ACTR3C: variants seen among roughly 807,000 people sequenced by gnomAD.
ACTR3C encodes the protein actin related protein 3C, also known as actin-related protein 3C.
In ACTR3C, 18 loss-of-function variants were observed where a neutral mutation model predicts 26.3. The ratio of observed to expected loss-of-function variants is 0.68; its 90% CI spans 0.47 to 1.01. The LOEUF (loss-of-function observed/expected upper bound fraction) is 1.01, where lower values mean the gene tolerates loss of function less well. Among genes scored for constraint, ACTR3C ranks in the 50% least tolerant of loss-of-function variants. ACTR3C has a pLI of 0.00. For synonymous variants in ACTR3C, 55 were observed against 94.5 expected, an observed-to-expected ratio of 0.58 and a Z score of 2.42; for missense variants, 184 against 250.7, an observed-to-expected ratio of 0.73 and a Z score of 1.80.
At chr7:150,184,747 G>A in the ACTR3C span, among the ~76,000 whole-genome samples, 1 of 149,374 alleles carries the variant, frequency 6.7e-6, no homozygotes, top group Non-Finnish European at 1.5e-5. Flanking sequence ...GGGCCCACAC[G>A]CTAAGGGGGT....
rs1311833270 is a variant in ACTR3C at position 150,272,807 on chromosome 7, CA to C, written c.564+11945del. Among the ~76,000 whole-genome samples the C allele has an allele frequency of 2.9e-5, 4 of 136,238 alleles. 1 individual carries two copies. The highest frequency in any genetic ancestry group is 6.9e-5 in the Admixed American group (1 of 14,478). The allele number at this position is 136,238 out of a possible 152,430, so 89.4% of individuals were successfully genotyped here. A position where few individuals can be genotyped will look rare whatever the true frequency, so the allele number is the denominator to read the frequency against. On this transcript the variant is annotated intron_variant, in intron 6 of 7. Transcript: ENST00000683684. ...CCAGGCTCAAGCAATCCTGCTGCCT[CA>C]GTCTCCCAAGTAGCTGAGACTACAG... is the stretch of plus-strand genomic sequence containing the variant.
the ACTR3C span, among the ~76,000 whole-genome samples, chr7:150,018,557 C>T: frequency 1.3e-5 from 2 of 149,968 alleles, no homozygotes; most frequent in Non-Finnish European, 2.9e-5. Context: ...CATGTTCTTT[C>T]GTGTGTCAAG....
chr7:150,214,080 A>G, the ACTR3C span, among the ~76,000 whole-genome samples: 6 of 151,628 alleles, frequency 4.0e-5, no homozygotes, highest in East Asian at 5.8e-4. Flanking sequence ...TTGCCATCCA[A>G]CTTAAGTGTT....
At chr7:150,277,337 G>A (rs1043201193) in intron 6 of ACTR3C, among the ~76,000 whole-genome samples, 4 of 152,104 alleles carry the variant, frequency 2.6e-5, no homozygotes, top group Non-Finnish European at 5.9e-5. Flanking sequence ...TGAGATACCC[G>A]CTATTGGTTC....
chr7:149,970,914 T>C, the ACTR3C span, among the ~76,000 whole-genome samples: 2 of 152,210 alleles, frequency 1.3e-5, no homozygotes, highest in African/African-American at 4.8e-5. Flanking sequence ...AATCAAGAAT[T>C]GAAGAGCCTG....
chr7:150,306,785 T>A (rs1795840319), intron 1 of ACTR3C, among the ~76,000 whole-genome samples: 1 of 152,182 alleles, frequency 6.6e-6, no homozygotes, highest in African/African-American at 2.4e-5. Flanking sequence ...TACATATGTG[T>A]GATGAGACAT....
chr7:150,180,283 C>A, the ACTR3C span, among the ~76,000 whole-genome samples: 3 of 149,132 alleles, frequency 2.0e-5, no homozygotes, highest in Admixed American at 1.3e-4. Flanking sequence ...CCAGCCCGGG[C>A]GACAGAGCGA....
At chr7:149,886,918 C>G in the ACTR3C span, among the ~76,000 whole-genome samples, 5 of 151,082 alleles carry the variant, frequency 3.3e-5, no homozygotes, top group African/African-American at 4.9e-5. Context: ...AGAGATTGTG[C>G]TCCTGCATTC....
the ACTR3C span, among the ~76,000 whole-genome samples, chr7:150,019,817 C>T: frequency 2.0e-5 from 3 of 151,686 alleles, 1 homozygote; most frequent in African/African-American, 7.3e-5. Flanking sequence ...TGTAGGTGCC[C>T]CACATCCCAG....
intron 4 of ACTR3C, among the ~76,000 whole-genome samples, chr7:150,287,553 A>G (rs190753076): frequency 6.6e-6 from 1 of 152,220 alleles, no homozygotes; most frequent in African/African-American, 2.4e-5. Context: ...TGCTGCCTAC[A>G]GGAAGCACGA....
the ACTR3C span, among the ~76,000 whole-genome samples, chr7:149,929,182 C>A: frequency 6.6e-6 from 1 of 152,100 alleles, no homozygotes; most frequent in Admixed American, 6.5e-5. Context: ...AATCACAGCA[C>A]TTTGGGAGGC....
chr7:150,162,864 C>G, the ACTR3C span, among the ~76,000 whole-genome samples: 1 of 152,030 alleles, frequency 6.6e-6, no homozygotes, highest in East Asian at 1.9e-4. Flanking sequence ...ATCAGAAGTA[C>G]TAGTGGGTGG....
chr7:150,042,488 C>T, the ACTR3C span, among the ~76,000 whole-genome samples: 37,463 of 93,532 alleles, frequency 0.4, 5,058 homozygotes, highest in South Asian at 0.5. Context: ...GTTCGCAGTC[C>T]CCGCCTCGCG....
chr7:150,036,726 C>G, the ACTR3C span, among the ~76,000 whole-genome samples: 57,763 of 136,520 alleles, frequency 0.42, 19,022 homozygotes, highest in East Asian at 0.7. Flanking sequence ...GAGCTGCGTT[C>G]GGACCCGTCG....
At chr7:150,220,300 T>C in the ACTR3C span, among the ~76,000 whole-genome samples, 1 of 146,956 alleles carries the variant, frequency 6.8e-6, no homozygotes, top group Non-Finnish European at 1.5e-5. Flanking sequence ...TGCGGTTTGA[T>C]TCATGTCCAG....
chr7:150,104,975 G>C, the ACTR3C span, among the ~76,000 whole-genome samples: 1 of 151,874 alleles, frequency 6.6e-6, no homozygotes, highest in Non-Finnish European at 1.5e-5. Context: ...AATATATACC[G>C]ATAGCACATT....
At chr7:150,038,292 A>G in the ACTR3C span, among the ~76,000 whole-genome samples, 5 of 143,788 alleles carry the variant, frequency 3.5e-5, 1 homozygote, top group South Asian at 6.4e-4. Context: ...GACGTAGGCT[A>G]CGGGCCTCAG....
chr7:149,906,639 C>A, the ACTR3C span, among the ~76,000 whole-genome samples: 1 of 145,688 alleles, frequency 6.9e-6, no homozygotes. Flanking sequence ...GCCATTTTGG[C>A]CAGGCTGGTC....
the ACTR3C span, among the ~76,000 whole-genome samples, chr7:150,148,208 G>T: frequency 1.3e-5 from 2 of 151,820 alleles, no homozygotes; most frequent in African/African-American, 4.8e-5. Flanking sequence ...GCCAGGCGCG[G>T]TGGCTCATGC....
Sources: allele counts gnomAD v4.1 joint callset (sites outside exome capture counted in the v4.1 genomes callset), GRCh38; gene constraint gnomAD v4.1.1; transcripts MANE v1.5; gene names NCBI Gene and HGNC (gene_info 2026-07-23, HGNC 2026-07-21).